The following SLC6A11 variants were observed in gnomAD, a reference collection of about 807,000 sequenced individuals.
The protein encoded by SLC6A11 is solute carrier family 6 member 11, also known as sodium- and chloride-dependent GABA transporter 3.
In SLC6A11, 25 loss-of-function variants were observed where a neutral mutation model predicts 74.8. The ratio of observed to expected loss-of-function variants is 0.33; its 90% CI spans 0.24 to 0.47. The LOEUF is 0.47. Among genes scored for constraint, SLC6A11 ranks in the 20% least tolerant of loss-of-function variants. The pLI is 1.00. For synonymous variants in SLC6A11, 330 were observed against 330.2 expected (o/e 1.00, Z 0.01); for missense variants, 574 against 837.0 (o/e 0.69, Z 3.88).
chr3:10,900,477 T>G (rs1695226681), intron 6 of SLC6A11, among the ~76,000 whole-genome samples: 1 of 152,224 alleles, frequency 6.6e-6, no homozygotes, highest in African/African-American at 2.4e-5. Flanking sequence ...TGCCACGATA[T>G]GATCTCAGAT....
intron 5 of SLC6A11, among the ~76,000 whole-genome samples, chr3:10,874,283 T>C (rs1312347696): frequency 3.3e-5 from 5 of 152,234 alleles, no homozygotes; most frequent in African/African-American, 1.2e-4. Context: ...TTGTGATGTA[T>C]ATTTCTTTCT....
intron 5 of SLC6A11, among the ~76,000 whole-genome samples, chr3:10,870,277 T>A (rs1440753926): frequency 1.3e-5 from 2 of 152,170 alleles, no homozygotes; most frequent in Non-Finnish European, 2.9e-5. Context: ...GTGCATAAAT[T>A]CCTTCCTCAA....
At chr3:10,842,937 G>T (rs878990511) in intron 4 of SLC6A11, among the ~76,000 whole-genome samples, 1 of 152,102 alleles carries the variant, frequency 6.6e-6, no homozygotes, top group African/African-American at 2.4e-5. Flanking sequence ...GGCCCCAAGC[G>T]GATTCCCAGG....
Position 10,918,561 on chromosome 3 carries a change from G to A in SLC6A11, c.1120+108G>A, listed in dbSNP as rs1353722470. ...TCGGCTCACACATCTCCTGGATTCA[G>A]GCCTCAGAAAGGGGCCCCACCATTC... On this transcript the variant is annotated intron_variant, in intron 8 of 13. Transcript: ENST00000254488. This position sits in a 1 kb window ranked among gnomAD's most constrained non-coding sequence, Gnocchi z 4.5. 1 of 1,346,574 alleles carries A rather than the reference G, an allele frequency of 7.4e-7. No individual in the cohort carries two copies. The allele number at this position is 1,346,574 out of a possible 1,614,324, so 83.4% of individuals were successfully genotyped here.
At position 10,892,822 on chromosome 3, in the gene SLC6A11, C is replaced by G. The variant is rs79166163; in HGVS notation, c.891+17727C>G. 9.3e-3 allele frequency among the ~76,000 whole-genome samples: 1,410 copies of G among 152,226 alleles called. 83 individuals carry two copies. The South Asian group carries it at 0.11, about 11-fold the overall frequency. The stretch of plus-strand genomic sequence containing the variant: ...AATCACCTGGAAGGGAGAAACTGCA[C>G]GTCTCCAAGGTTATAGATGACAGTG... On this transcript the variant is annotated intron_variant, in intron 6 of 13. Coordinates refer to ENST00000254488, the MANE Select transcript of SLC6A11 (RefSeq NM_014229.3).
chr3:10,897,622 G>A (rs1695186473), intron 6 of SLC6A11, among the ~76,000 whole-genome samples: 1 of 152,184 alleles, frequency 6.6e-6, no homozygotes, highest in Admixed American at 6.5e-5. Context: ...CATGGTCGTG[G>A]GCAGCTCCAC....
chr3:10,872,893 A>G (rs922277108), intron 5 of SLC6A11, among the ~76,000 whole-genome samples: 1 of 152,220 alleles, frequency 6.6e-6, no homozygotes, highest in African/African-American at 2.4e-5. Flanking sequence ...ATCTGAGCAC[A>G]TTTGGAGGGA....
chr3:10,844,080 C>G, intron 4 of SLC6A11, 134 bp from the exon 5 acceptor site: 2 of 1,052,176 alleles, frequency 1.9e-6, no homozygotes, highest in Middle Eastern at 3.1e-4. Flanking sequence ...CAAGTCCTCC[C>G]CAGAGGAGAC....
At chr3:10,895,807 T>A (rs776036091) in intron 6 of SLC6A11, among the ~76,000 whole-genome samples, 1 of 152,166 alleles carries the variant, frequency 6.6e-6, no homozygotes, top group Non-Finnish European at 1.5e-5. Flanking sequence ...AGCATCAGGA[T>A]AAATAGCTAA....
At position 10,879,888 on chromosome 3, in the gene SLC6A11, A is replaced by G. The variant is rs532494328; in HGVS notation, c.891+4793A>G. Among the ~76,000 whole-genome samples the G allele has an allele frequency of 4.6e-5, 7 of 152,326 alleles. No individual in the cohort carries two copies. The East Asian group carries it at 1.2e-3, about 25-fold the overall frequency. ...AATGAGCATTGGAGCTCTTTGGAGC[A>G]TTTCAGATTTTCAGATTAGACATAC... is the stretch of plus-strand genomic sequence containing the variant. On this transcript the variant is annotated intron_variant, in intron 6 of 13. Transcript: ENST00000254488.
chr3:10,896,682 C>T (rs1695175227), intron 6 of SLC6A11, among the ~76,000 whole-genome samples: 1 of 152,200 alleles, frequency 6.6e-6, no homozygotes. Flanking sequence ...GCTTGCTCGA[C>T]TTTCTTTTTC....
chr3:10,910,694 A>G (rs1258901579), intron 6 of SLC6A11, among the ~76,000 whole-genome samples: 1 of 152,114 alleles, frequency 6.6e-6, no homozygotes, highest in African/African-American at 2.4e-5. Context: ...GCAGTCCTCC[A>G]TGGACTTGCA....
At chr3:10,903,949 G>GCC (rs1695272113) in intron 6 of SLC6A11, among the ~76,000 whole-genome samples, 1 of 152,264 alleles carries the variant, frequency 6.6e-6, no homozygotes, top group Admixed American at 6.5e-5. Flanking sequence ...TAAGAAATTA[G>GCC]ACATTCTACT....
intron 8 of SLC6A11, among the ~76,000 whole-genome samples, chr3:10,922,895 C>T (rs949018759): frequency 2.0e-5 from 3 of 152,078 alleles, no homozygotes; most frequent in African/African-American, 7.2e-5. Flanking sequence ...TACTGTGCTC[C>T]AGTTAGTACA....
At chr3:10,851,585 C>A (rs2938403) in intron 5 of SLC6A11, among the ~76,000 whole-genome samples, 2,274 of 152,348 alleles carry the variant, frequency 0.015, 35 homozygotes, top group Middle Eastern at 0.031. Context: ...AAGGCCAAGG[C>A]CTGAGTGGCA....
intron 5 of SLC6A11, among the ~76,000 whole-genome samples, chr3:10,849,255 G>A (rs1214572303): frequency 1.3e-5 from 2 of 152,202 alleles, no homozygotes; most frequent in Admixed American, 6.5e-5. Flanking sequence ...CTTCCAGACA[G>A]TATCTTCTGG....
chr3:10,843,361 T>C lies in SLC6A11; in HGVS notation c.624-853T>C, dbSNP rs140405922. 2.4e-3 allele frequency among the ~76,000 whole-genome samples: 362 copies of C among 152,266 alleles called. 3 individuals carry two copies. The highest frequency in any genetic ancestry group is 8.3e-3 in the African/African-American group (345 of 41,544). ...TGTTACTGCCTCTGCTTACCTTTCC[T>C]GCTTTTTCCTTCTGATCCCTGCCTC... On this transcript the variant is annotated intron_variant, in intron 4 of 13. Coordinates refer to ENST00000254488, the MANE Select transcript of SLC6A11 (RefSeq NM_014229.3).
intron 5 of SLC6A11, among the ~76,000 whole-genome samples, chr3:10,873,938 C>T (rs1263729636): frequency 6.6e-6 from 1 of 151,698 alleles, no homozygotes; most frequent in East Asian, 1.9e-4. Context: ...CTATGTTATG[C>T]TATGCTATCC....
chr3:10,916,819 GA>G (rs1341156527), intron 7 of SLC6A11, among the ~76,000 whole-genome samples: 1 of 152,192 alleles, frequency 6.6e-6, no homozygotes, highest in African/African-American at 2.4e-5. Flanking sequence ...TATAGCCAGT[GA>G]GATCAGGTTC....
Sources: allele counts gnomAD v4.1 joint callset (sites outside exome capture counted in the v4.1 genomes callset), GRCh38; gene constraint gnomAD v4.1.1; non-coding constraint Gnocchi (gnomAD v3.1); transcripts MANE v1.5; gene names NCBI Gene and HGNC (gene_info 2026-07-23, HGNC 2026-07-21).